Variants in SRRM3 observed in about 807,000 individuals in gnomAD.
The protein encoded by SRRM3 is serine/arginine repetitive matrix 3.
SRRM3 carries 27 observed loss-of-function variants against 66.2 expected under a neutral mutation model. That is an observed-to-expected ratio of 0.41 (90% CI 0.30 to 0.56). The LOEUF (loss-of-function observed/expected upper bound fraction) is 0.56. SRRM3 is among the 20% of genes least tolerant of loss of function. The probability of loss-of-function intolerance (pLI) is 0.32; values close to 1 mark genes in which losing one functional copy is unlikely to be tolerated. For missense variants in SRRM3, 918 were observed against 991.9 expected (o/e 0.93, Z 1.00); for synonymous variants, 391 against 414.9 (o/e 0.94, Z 0.70).
intron 1 of SRRM3, among the ~76,000 whole-genome samples, chr7:76,230,700 G>GGGAA (rs782281845): frequency 6.6e-5 from 10 of 151,152 alleles, no homozygotes; most frequent in Non-Finnish European, 8.9e-5. Context: ...AGGTAAGGAA[G>GGGAA]GGAAGGAAGG....
chr7:76,229,741 C>CTT lies in SRRM3; in HGVS notation c.-39-5268_-39-5267dup, dbSNP rs869140956. Among the ~76,000 whole-genome samples, 325 of 133,054 alleles carry CTT rather than the reference C, an allele frequency of 2.4e-3. 9 individuals carry two copies. The South Asian group carries it at 0.032, about 13-fold the overall frequency. 87.3% of individuals were successfully genotyped at this position (133,054 alleles called of 152,430 possible). Reference sequence around the variant, plus strand: ...CCTGTTTCACTTTCTTCTTCTTCTTCTTTTTTTTTTTTTTTTTTTTGAGAC... The same window carrying CTT: ...CCTGTTTCACTTTCTTCTTCTTCTTCTTTTTTTTTTTTTTTTTTTTTTGAGAC... On this transcript the variant is annotated intron_variant, in intron 1 of 14. Transcript: ENST00000611745.
chr7:76,215,793 A>AT (rs35624440), intron 1 of SRRM3, among the ~76,000 whole-genome samples: 7,868 of 96,838 alleles, frequency 0.081, 1,336 homozygotes, highest in African/African-American at 0.26. Flanking sequence ...CACCTGGCTA[A>AT]TTTTTTTTTT....
intron 11 of SRRM3, among the ~76,000 whole-genome samples, chr7:76,277,746 G>GAGAGAAAGAAAGAAAAAAGAAAA (rs1554611344): frequency 9.4e-6 from 1 of 106,770 alleles, no homozygotes; most frequent in Admixed American, 9.9e-5. Flanking sequence ...GAGAGAGAGA[G>GAGAGAAAGAAAGAAAAAAGAAAA]AAAGAAAGAA....
intron 1 of SRRM3, among the ~76,000 whole-genome samples, chr7:76,203,495 G>A (rs1800211853): frequency 6.6e-6 from 1 of 152,224 alleles, no homozygotes; most frequent in Admixed American, 6.5e-5. Flanking sequence ...AAAATGCTGG[G>A]TGAGTGTTAG....
chr7:76,240,238 C>T (rs188652361), intron 2 of SRRM3, among the ~76,000 whole-genome samples: 66 of 152,124 alleles, frequency 4.3e-4, no homozygotes, highest in African/African-American at 1.5e-3. Flanking sequence ...AATCCCAGCA[C>T]TTTGGGAGGC....
chr7:76,209,475 A>G (rs973664207), intron 1 of SRRM3, among the ~76,000 whole-genome samples: 1 of 152,188 alleles, frequency 6.6e-6, no homozygotes, highest in Non-Finnish European at 1.5e-5. Context: ...ATCATGGGCA[A>G]TGGCACAGAG....
chr7:76,261,052 C>A, intron 6 of SRRM3, 149 bp downstream of exon 6: 1 of 790,896 alleles, frequency 1.3e-6, no homozygotes, highest in Non-Finnish European at 2.0e-6. Flanking sequence ...CCTACAGAGG[C>A]CGTGAATCCC....
chr7:76,285,451 A>C lies in SRRM3; in HGVS notation c.1734-164A>C, dbSNP rs1554612600. 6.6e-6 allele frequency among the ~76,000 whole-genome samples: 1 copy of C among 152,242 alleles called. No homozygotes were observed. The highest frequency in any genetic ancestry group is 2.4e-5 in the African/African-American group (1 of 41,456). Reference sequence around the variant, plus strand: ...ATAGGTGAAGAAAAGCAAAATGATCAACATGGAATTTGCAAGTAACCAATG... The same window carrying C: ...ATAGGTGAAGAAAAGCAAAATGATCCACATGGAATTTGCAAGTAACCAATG... On this transcript the variant is annotated intron_variant, in intron 14 of 14. Transcript: ENST00000611745. The surrounding 1 kb of genome is among the most constrained non-coding windows in gnomAD (Gnocchi z 4.1).
chr7:76,279,512 G>A (rs1461791736), intron 11 of SRRM3, among the ~76,000 whole-genome samples: 1 of 150,338 alleles, frequency 6.7e-6, no homozygotes, highest in Non-Finnish European at 1.5e-5. Context: ...ACAGTCAACT[G>A]CTACTAGATG....
intron 1 of SRRM3, among the ~76,000 whole-genome samples, chr7:76,212,713 C>T (rs532488042): frequency 6.6e-6 from 1 of 152,288 alleles, no homozygotes; most frequent in South Asian, 2.1e-4. Context: ...AAGTGATCCT[C>T]CCACCTTGGC....
intron 3 of SRRM3, among the ~76,000 whole-genome samples, chr7:76,249,975 C>T (rs555494873): frequency 2.8e-4 from 42 of 152,108 alleles, no homozygotes; most frequent in African/African-American, 9.2e-4. Flanking sequence ...TTTGCTGTTC[C>T]GCTATCCCAG....
At chr7:76,267,686 T>G in intron 11 of SRRM3, 1 of 377,746 alleles carries the variant, frequency 2.6e-6, no homozygotes, top group Non-Finnish European at 4.7e-6. Flanking sequence ...CCCTTGCGCT[T>G]GGCAAACTGA....
intron 3 of SRRM3, among the ~76,000 whole-genome samples, chr7:76,259,244 GA>G (rs1169980727): frequency 1.3e-5 from 2 of 151,698 alleles, no homozygotes; most frequent in African/African-American, 4.8e-5. Context: ...ATATGGAGGG[GA>G]TTCAGTGAAG....
intron 1 of SRRM3, among the ~76,000 whole-genome samples, chr7:76,211,380 G>A (rs1028940402): frequency 3.0e-5 from 4 of 132,890 alleles, no homozygotes; most frequent in Admixed American, 8.5e-5. Context: ...GCGGAGGAGC[G>A]AAAGCCCGGG....
chr7:76,279,682 G>T (rs1554611577), intron 11 of SRRM3, among the ~76,000 whole-genome samples: 1 of 152,080 alleles, frequency 6.6e-6, no homozygotes, highest in Admixed American at 6.6e-5. Context: ...CTGAGGCCCA[G>T]ACTGGGGAAG....
chr7:76,281,827 G>T (rs1554611958), intron 12 of SRRM3, 25 bp downstream of exon 12: 9 of 1,326,624 alleles, frequency 6.8e-6, no homozygotes, highest in Admixed American at 3.8e-5. Context: ...CCCGGAGCTG[G>T]ACTCCCGCCC....
intron 6 of SRRM3, 115 bp downstream of exon 6, chr7:76,261,018 C>A: frequency 8.7e-7 from 1 of 1,153,032 alleles, no homozygotes; most frequent in Non-Finnish European, 1.2e-6. Flanking sequence ...TGCACCTGGA[C>A]ACTGCCAAGG....
At chr7:76,238,064 A>G (rs6961252) in intron 2 of SRRM3, among the ~76,000 whole-genome samples, 11,124 of 151,998 alleles carry the variant, frequency 0.073, 944 homozygotes, top group African/African-American at 0.2. Flanking sequence ...CAGCTCTTGA[A>G]TGGCCCTCCC....
At chr7:76,210,676 G>T (rs945282278) in intron 1 of SRRM3, among the ~76,000 whole-genome samples, 1 of 152,138 alleles carries the variant, frequency 6.6e-6, no homozygotes, top group Non-Finnish European at 1.5e-5. Context: ...AGGAGTCTTG[G>T]GGGGGCGGGT....
Sources: gnomAD v4.1 joint callset for allele counts (sites outside exome capture counted in the v4.1 genomes callset) on GRCh38, gnomAD v4.1.1 for gene constraint, Gnocchi (gnomAD v3.1) non-coding constraint, MANE v1.5 for transcripts, NCBI Gene and HGNC (gene_info 2026-07-23, HGNC 2026-07-21) for gene names.